HUWE1: variants seen among roughly 807,000 people sequenced by gnomAD.
The protein encoded by HUWE1 is E3 ubiquitin-protein ligase HUWE1.
In HUWE1, 18 loss-of-function variants were observed where a neutral mutation model predicts 299.4. The observed-to-expected ratio is 0.06, with a 90% CI of 0.04 to 0.09. The LOEUF (loss-of-function observed/expected upper bound fraction) is 0.09. Ranked by LOEUF, HUWE1 falls within the 10% of genes least tolerant of loss-of-function variation. The pLI, the probability that HUWE1 is intolerant of heterozygous loss-of-function variation, is 1.00. For missense variants in HUWE1, 1,832 were observed against 3,462.3 expected, an observed-to-expected ratio of 0.53 and a Z score of 11.82; for synonymous variants, 1,317 against 1,286.1, an observed-to-expected ratio of 1.02 and a Z score of -0.51.
intron 43 of HUWE1, among the ~76,000 whole-genome samples, chrX:53,580,057 A>G (rs1303978431): frequency 3.6e-5 from 4 of 111,981 alleles, no homozygotes; most frequent in Non-Finnish European, 5.6e-5. Context: ...AGAATTACCA[A>G]GTGACTACTC....
At chrX:53,633,672 T>C (rs2067017529) in intron 8 of HUWE1, among the ~76,000 whole-genome samples, 1 of 112,580 alleles carries the variant, frequency 8.9e-6, no homozygotes. Context: ...TGCTTCCAGA[T>C]GCAAAATAAT....
intron 23 of HUWE1, among the ~76,000 whole-genome samples, chrX:53,610,563 ATTT>A (rs1379965753): frequency 1.8e-5 from 2 of 111,530 alleles, no homozygotes; most frequent in African/African-American, 6.5e-5. Flanking sequence ...AATTTTCAGT[ATTT>A]ATGGTGGTGG....
chrX:53,605,739 A>AT (rs1396188116), intron 25 of HUWE1, among the ~76,000 whole-genome samples: 1 of 111,848 alleles, frequency 8.9e-6, no homozygotes, highest in Non-Finnish European at 1.9e-5. Flanking sequence ...TTGGGGAAAA[A>AT]TTTTTGGAGG....
intron 4 of HUWE1, among the ~76,000 whole-genome samples, chrX:53,650,095 T>G (rs1454177900): frequency 8.9e-6 from 1 of 112,150 alleles, no homozygotes; most frequent in African/African-American, 3.2e-5. Context: ...GCAACTTGTA[T>G]CATAGCCTGG....
chrX:53,532,130 A>G lies in HUWE1; in HGVS notation c.*1179T>C, dbSNP rs2060809141. The stretch of plus-strand genomic sequence containing the variant: ...TTTTTTCTAACTAAATTTTTATTAA[A>G]TTATTTTTTCTTTGAAGGCTGGAAC... On this transcript the variant is annotated 3_prime_UTR_variant, in exon 84 of 84. Coordinates refer to ENST00000262854, the MANE Select transcript of HUWE1 (RefSeq NM_031407.7). The G allele has an allele frequency of 1.8e-5, 2 of 111,316 alleles. No homozygotes were observed. The highest frequency in any genetic ancestry group is 6.6e-5 in the African/African-American group (2 of 30,521). The allele number at this position is 111,316 out of a possible 1,213,427, so 9.2% of individuals were successfully genotyped here.
intron 3 of HUWE1, among the ~76,000 whole-genome samples, chrX:53,673,083 C>G (rs2069639556): frequency 8.9e-6 from 1 of 112,089 alleles, no homozygotes. Flanking sequence ...TTACTAAAAT[C>G]AGAATGCTTC....
chrX:53,630,831 G>C, intron 12 of HUWE1, 104 bp downstream of exon 12: 1 of 531,402 alleles, frequency 1.9e-6, no homozygotes, highest in South Asian at 2.5e-5. Flanking sequence ...TTGCTACCTA[G>C]GTAACTATAA....
chrX:53,547,065 C>G (rs1321668387), intron 68 of HUWE1, among the ~76,000 whole-genome samples: 1 of 112,214 alleles, frequency 8.9e-6, no homozygotes, highest in Non-Finnish European at 1.9e-5. Flanking sequence ...ACAATCACGT[C>G]TCACCATAAA....
At chrX:53,651,222 T>C (rs1182340227) in intron 4 of HUWE1, among the ~76,000 whole-genome samples, 2 of 109,860 alleles carry the variant, frequency 1.8e-5, no homozygotes, top group Non-Finnish European at 3.8e-5. Flanking sequence ...CTGGGTGAGT[T>C]TGGATGTATG....
chrX:53,683,885 C>A (rs1358290289), intron 2 of HUWE1: 3 of 123,740 alleles, frequency 2.4e-5, no homozygotes, highest in Admixed American at 1.0e-4. Context: ...TCAGCCACCG[C>A]CAACGAATCC....
intron 21 of HUWE1, among the ~76,000 whole-genome samples, 199 bp from the exon 22 acceptor site, chrX:53,616,034 C>T (rs1260272773): frequency 9.0e-6 from 1 of 110,641 alleles, no homozygotes; most frequent in Admixed American, 9.6e-5. Flanking sequence ...CACCTCAGCC[C>T]TCCAAGTAGC....
At position 53,569,650 on chromosome X, in the gene HUWE1, G is replaced by A; in HGVS notation, c.6490C>T (p.Leu2164=). Residue 2164 remains leucine, a synonymous_variant, in exon 48 of 84, where the codon CTG becomes TTG. Transcript: ENST00000262854. ...TTCTCTGTACTCTCAGCCATAGCCA[G>A]TGCCCGTCCAAGGGCTGCTTTTACT... ...NEVKAALGRA[L]AMAESTEKHA... 1 of 1,211,964 alleles carries A rather than the reference G, an allele frequency of 8.3e-7. No individual in the cohort carries two copies. The highest frequency in any genetic ancestry group is 1.8e-5 in the South Asian group (1 of 57,022).
chrX:53,535,612 C>G (rs1209726196), intron 80 of HUWE1, 111 bp from the exon 81 acceptor site: 2 of 548,548 alleles, frequency 3.6e-6, no homozygotes, highest in Admixed American at 4.8e-5. Flanking sequence ...AGAGATGAGG[C>G]AAGTCCATAC....
intron 55 of HUWE1, among the ~76,000 whole-genome samples, chrX:53,561,294 C>T (rs1556940847): frequency 8.9e-6 from 1 of 111,930 alleles, no homozygotes; most frequent in Non-Finnish European, 1.9e-5. Context: ...GGAAGAGATT[C>T]ACTCGTTCTC....
Position 53,643,500 on chromosome X carries a change from C to T in HUWE1, c.504+1811G>A, listed in dbSNP as rs899023986. ...GAGTAGCTAGGATTACAAGTGCCCA[C>T]CACCACGTCCAGCTAATTTTTGTAT... On this transcript the variant is annotated intron_variant, in intron 7 of 83. Coordinates refer to ENST00000262854, the MANE Select transcript of HUWE1 (RefSeq NM_031407.7). Among the ~76,000 whole-genome samples, 3 of 111,152 alleles carry T rather than the reference C, an allele frequency of 2.7e-5. No individual in the cohort carries two copies. In the Admixed American group the frequency reaches 2.9e-4, roughly 11 times the overall value.
chrX:53,680,944 C>T (rs1255867447), intron 2 of HUWE1, among the ~76,000 whole-genome samples: 1 of 101,838 alleles, frequency 9.8e-6, no homozygotes, highest in African/African-American at 3.6e-5. Flanking sequence ...AACTGAAGTT[C>T]GAAACTAGAG....
chrX:53,574,552 C>T (rs1482111773), intron 46 of HUWE1, among the ~76,000 whole-genome samples: 1 of 112,431 alleles, frequency 8.9e-6, no homozygotes, highest in Non-Finnish European at 1.9e-5. Flanking sequence ...GCACCATCAT[C>T]CACGCTATAC....
intron 77 of HUWE1, 41 bp from the exon 78 acceptor site, chrX:53,537,737 G>A (rs1556914434): frequency 8.5e-7 from 1 of 1,178,949 alleles, no homozygotes; most frequent in Non-Finnish European, 1.1e-6. Context: ...ATTAAGGGTG[G>A]CAGAACAAAT....
chrX:53,585,321 A>T, intron 39 of HUWE1, 133 bp from the exon 40 acceptor site: 6 of 632,287 alleles, frequency 9.5e-6, no homozygotes, highest in Non-Finnish European at 1.5e-5. Context: ...TTTAAAAACC[A>T]AAAGAACATT....
Sources: gnomAD v4.1 joint callset for allele counts (sites outside exome capture counted in the v4.1 genomes callset) on GRCh38, gnomAD v4.1.1 for gene constraint, MANE v1.5 for transcripts, NCBI Gene and HGNC (gene_info 2026-07-23, HGNC 2026-07-21) for gene names.